KANK1: variants seen among roughly 807,000 people sequenced by gnomAD.
KANK1 encodes KN motif and ankyrin repeat domain-containing protein 1.
A neutral mutation model predicts 106.2 loss-of-function variants in KANK1; 109 were observed. That is an observed-to-expected ratio of 1.03 (90% CI 0.88 to 1.20). The LOEUF (loss-of-function observed/expected upper bound fraction) is 1.20. Ranked by LOEUF, KANK1 falls within the 50% of genes most tolerant of loss-of-function variation. KANK1 has a pLI of 0.00. For missense variants in KANK1, 2,399 were observed against 1,710.7 expected, an observed-to-expected ratio of 1.40 and a Z score of -7.10; for synonymous variants, 873 against 652.2, an observed-to-expected ratio of 1.34 and a Z score of -5.16.
intron 1 of KANK1, among the ~76,000 whole-genome samples, chr9:654,496 T>G (rs1841641731): frequency 6.6e-6 from 1 of 152,148 alleles, no homozygotes. Flanking sequence ...GTCACTTGTT[T>G]GCAAACCACT....
At chr9:655,601 G>T (rs1014529318) in intron 1 of KANK1, among the ~76,000 whole-genome samples, 2 of 152,156 alleles carry the variant, frequency 1.3e-5, no homozygotes, top group Non-Finnish European at 2.9e-5. Context: ...ATCAAGTCAG[G>T]CAGATGCTGC....
chr9:505,669 C>G (rs552303996), intron 1 of KANK1, among the ~76,000 whole-genome samples: 18 of 152,338 alleles, frequency 1.2e-4, no homozygotes, highest in African/African-American at 4.1e-4. Flanking sequence ...GGCGAGTTGG[C>G]GTTAACAATT....
At chr9:609,335 T>C (rs796663223) in intron 1 of KANK1, among the ~76,000 whole-genome samples, 15 of 152,236 alleles carry the variant, frequency 9.9e-5, no homozygotes, top group African/African-American at 3.4e-4. Flanking sequence ...CCTTTTTAAA[T>C]AGAATCAATA....
intron 2 of KANK1, chr9:693,451 G>C (rs1820476273): frequency 1.0e-6 from 1 of 985,390 alleles, no homozygotes; most frequent in Non-Finnish European, 1.2e-6. Flanking sequence ...TGCATTTCTA[G>C]GTCAGCATTT....
chr9:745,292 T>C lies in KANK1; in HGVS notation c.*57T>C. The stretch of plus-strand genomic sequence containing the variant: ...ACTATTAAGCTGCTAATTGTTCCTG[T>C]TGGGGTGACAGATACTGAATGTATA... On this transcript the variant is annotated 3_prime_UTR_variant, in exon 12 of 12. Transcript: ENST00000382297. The C allele has an allele frequency of 6.2e-7, 1 of 1,602,700 alleles. No individual in the cohort carries two copies. The highest frequency in any genetic ancestry group is 8.5e-7 in the Non-Finnish European group (1 of 1,169,834).
chr9:489,815 C>T (rs564200632), intron 3 of KANK1, among the ~76,000 whole-genome samples: 9 of 152,220 alleles, frequency 5.9e-5, no homozygotes, highest in South Asian at 2.1e-4. Flanking sequence ...ACTGTTTACT[C>T]GTAAATTGGC....
At chr9:628,107 A>G (rs1834795126) in intron 1 of KANK1, among the ~76,000 whole-genome samples, 1 of 152,198 alleles carries the variant, frequency 6.6e-6, no homozygotes, top group South Asian at 2.1e-4. Context: ...CCTAGAGAGT[A>G]TTTCCTGCAT....
intron 2 of KANK1, among the ~76,000 whole-genome samples, chr9:707,496 G>A (rs1824706367): frequency 6.7e-6 from 1 of 149,932 alleles, no homozygotes; most frequent in Non-Finnish European, 1.5e-5. Context: ...AGACAGGTCT[G>A]GCTGCTGCAG....
intron 1 of KANK1, among the ~76,000 whole-genome samples, chr9:643,700 G>GT (rs375132139): frequency 7.9e-4 from 117 of 148,406 alleles, no homozygotes; most frequent in Middle Eastern, 6.9e-3. Flanking sequence ...GGGGTTTTTT[G>GT]TTTTTTTTGG....
chr9:615,538 G>T (rs940462688), intron 1 of KANK1, among the ~76,000 whole-genome samples: 4 of 152,078 alleles, frequency 2.6e-5, no homozygotes, highest in Non-Finnish European at 5.9e-5. Flanking sequence ...GACTAAAAAG[G>T]CTACTCAAGG....
At chr9:624,699 T>A (rs1298915662) in intron 1 of KANK1, among the ~76,000 whole-genome samples, 3 of 152,094 alleles carry the variant, frequency 2.0e-5, no homozygotes, top group Admixed American at 1.3e-4. Flanking sequence ...CTCGGGAGGC[T>A]GAGGCAGGAG....
At chr9:493,249 TCC>T (rs2058406398) in intron 3 of KANK1, among the ~76,000 whole-genome samples, 1 of 151,542 alleles carries the variant, frequency 6.6e-6, no homozygotes, top group African/African-American at 2.4e-5. Flanking sequence ...TTTCTCTCCA[TCC>T]CCACTTGGTC....
chr9:704,425 A>G (rs1348488110), intron 2 of KANK1, among the ~76,000 whole-genome samples: 4 of 152,174 alleles, frequency 2.6e-5, no homozygotes, highest in Non-Finnish European at 5.9e-5. Context: ...GGATGGAGGA[A>G]GGCACAAAGA....
intron 1 of KANK1, among the ~76,000 whole-genome samples, chr9:606,592 T>G (rs979165862): frequency 8.1e-6 from 1 of 124,210 alleles, no homozygotes; most frequent in Non-Finnish European, 1.6e-5. Flanking sequence ...TATAAACCTA[T>G]AAAATATGTG....
At chr9:686,791 T>G in intron 2 of KANK1, 1 of 985,426 alleles carries the variant, frequency 1.0e-6, no homozygotes. Flanking sequence ...ACACACGTGC[T>G]GGAGCTGAGT....
Position 557,158 on chromosome 9 carries a change from G to A in KANK1, c.-84+52404G>A, listed in dbSNP as rs189928318. ...AAATTGCGCCAGTGCACTTCAGCCT[G>A]TGTGACAGAGCAAGACCATGTCTCA... is the stretch of plus-strand genomic sequence containing the variant. On this transcript the variant is annotated intron_variant, in intron 1 of 11. Coordinates refer to ENST00000382297, the MANE Select transcript of KANK1 (RefSeq NM_015158.5). Among the ~76,000 whole-genome samples the A allele has an allele frequency of 2.4e-3, 345 of 146,276 alleles. 3 individuals carry two copies. The highest frequency in any genetic ancestry group is 0.018 in the South Asian group (84 of 4,544).
At chr9:737,168 A>T (rs1834015438) in intron 7 of KANK1, among the ~76,000 whole-genome samples, 1 of 152,188 alleles carries the variant, frequency 6.6e-6, no homozygotes. Context: ...CAGAAGACAT[A>T]ATTTCCCTTC....
chr9:539,992 G>C (rs958464609), intron 1 of KANK1, among the ~76,000 whole-genome samples: 2 of 152,184 alleles, frequency 1.3e-5, no homozygotes, highest in Non-Finnish European at 2.9e-5. Context: ...AACAGAGACA[G>C]AGTAACTTCT....
At chr9:674,241 A>G (rs924171759) in intron 1 of KANK1, 1 of 152,066 alleles carries the variant, frequency 6.6e-6, no homozygotes, top group Non-Finnish European at 1.5e-5. Flanking sequence ...GAGCCATCCT[A>G]TCCTTCTGGT....
Sources: allele counts gnomAD v4.1 joint callset (sites outside exome capture counted in the v4.1 genomes callset), GRCh38; gene constraint gnomAD v4.1.1; transcripts MANE v1.5; gene names NCBI Gene and HGNC (gene_info 2026-07-23, HGNC 2026-07-21).